SH2D4A: variants seen among roughly 807,000 people sequenced by gnomAD.
SH2D4A encodes SH2 domain containing 4A, also known as SH2 domain-containing protein 4A.
A neutral mutation model predicts 64.7 loss-of-function variants in SH2D4A; 70 were observed. The ratio of observed to expected loss-of-function variants is 1.08; its 90% confidence interval spans 0.89 to 1.32. The LOEUF (loss-of-function observed/expected upper bound fraction) is 1.32, where lower values mean the gene tolerates loss of function less well. SH2D4A is among the 40% of genes most tolerant of loss of function. SH2D4A has a pLI of 0.00. For synonymous variants in SH2D4A, 268 were observed against 200.7 expected, an observed-to-expected ratio of 1.34 and a Z score of -2.83; for missense variants, 706 against 540.1, an observed-to-expected ratio of 1.31 and a Z score of -3.04.
At chr8:19,362,143 C>T (rs761683667) in intron 6 of SH2D4A, among the ~76,000 whole-genome samples, 1 of 152,154 alleles carries the variant, frequency 6.6e-6, no homozygotes, top group Non-Finnish European at 1.5e-5. Flanking sequence ...TGTTGAGATC[C>T]TACATTGATC....
intron 5 of SH2D4A, among the ~76,000 whole-genome samples, chr8:19,359,377 G>A (rs2052843500): frequency 6.6e-6 from 1 of 152,156 alleles, no homozygotes; most frequent in Admixed American, 6.5e-5. Flanking sequence ...GTAGAATCAT[G>A]TCATGTTCCA....
intron 6 of SH2D4A, 43 bp from the exon 7 acceptor site, chr8:19,364,029 T>G: frequency 6.3e-7 from 1 of 1,596,984 alleles, no homozygotes; most frequent in Non-Finnish European, 8.6e-7. Flanking sequence ...TCACCTGCTC[T>G]GTGGGCTGAT....
chr8:19,373,683 T>A (rs2053149287), intron 8 of SH2D4A, 23 bp downstream of exon 8: 1 of 1,610,868 alleles, frequency 6.2e-7, no homozygotes, highest in African/African-American at 1.3e-5. Context: ...ATTTCCTCAA[T>A]GGTGTTTCGT....
intron 2 of SH2D4A, among the ~76,000 whole-genome samples, chr8:19,327,884 C>T (rs990939154): frequency 2.0e-5 from 3 of 152,174 alleles, no homozygotes; most frequent in South Asian, 2.1e-4. Context: ...GCCCCACTGG[C>T]GTCCCCAGAA....
chr8:19,355,183 C>T (rs780939110), intron 4 of SH2D4A, among the ~76,000 whole-genome samples: 172 of 152,064 alleles, frequency 1.1e-3, no homozygotes, highest in Non-Finnish European at 2.1e-3. Context: ...TTACCTGCCT[C>T]CTAATTTTCA....
At chr8:19,358,285 A>G (rs1274442917) in intron 5 of SH2D4A, among the ~76,000 whole-genome samples, 2 of 152,236 alleles carry the variant, frequency 1.3e-5, no homozygotes, top group Non-Finnish European at 2.9e-5. Flanking sequence ...TTAGAGACAC[A>G]TTTTATGAAA....
At chr8:19,357,406 C>A in intron 5 of SH2D4A, 123 bp downstream of exon 5, 1 of 753,866 alleles carries the variant, frequency 1.3e-6, no homozygotes, top group East Asian at 2.6e-5. Flanking sequence ...GAAATCTGTC[C>A]TAAAAGCTGC....
intron 7 of SH2D4A, 103 bp downstream of exon 7, chr8:19,364,385 GGCCAACTGGCA>G: frequency 1.6e-6 from 2 of 1,282,000 alleles, no homozygotes; most frequent in Non-Finnish European, 2.2e-6. Context: ...GGGTGTGGAG[GGCCAACTGGCA>G]GCCTGTGTAA....
chr8:19,350,546 G>C (rs995856772), intron 4 of SH2D4A, among the ~76,000 whole-genome samples: 4 of 152,164 alleles, frequency 2.6e-5, no homozygotes, highest in African/African-American at 9.7e-5. Flanking sequence ...GCAGTGGTGA[G>C]ATCCTGGCTC....
Position 19,361,212 on chromosome 8 carries a change from T to G in SH2D4A, c.604T>G (p.Ser202Ala). The G allele has an allele frequency of 6.7e-7, 1 of 1,501,678 alleles. No homozygotes were observed. The highest frequency in any genetic ancestry group is 9.2e-7 in the Non-Finnish European group (1 of 1,089,820). 93.0% of individuals were successfully genotyped at this position (1,501,678 alleles called of 1,614,324 possible). A position where few individuals can be genotyped will look rare whatever the true frequency, so the allele number is the denominator to read the frequency against. ...KAYAFHQKKE[S>A]MKKKQDEEIN... ...TTTTGTTTTTAAACAGAAGAAAGAA[T>G]CTATGAAGAAAAAACAAGATGAAGA... Residue 202 changes from serine to alanine, a missense_variant, in exon 6 of 10, where the codon TCT becomes GCT. Transcript: ENST00000265807.
At chr8:19,393,589 A>G (rs1411466467) in intron 9 of SH2D4A, 48 bp downstream of exon 9, 1 of 1,572,350 alleles carries the variant, frequency 6.4e-7, no homozygotes, top group Non-Finnish European at 8.7e-7. Context: ...ACTGTCCTGT[A>G]GCAGCTCTAA....
intron 4 of SH2D4A, among the ~76,000 whole-genome samples, chr8:19,340,971 C>G (rs777088149): frequency 1.3e-5 from 2 of 152,148 alleles, no homozygotes; most frequent in African/African-American, 2.4e-5. Flanking sequence ...CACAATAATC[C>G]TGTGAAACAA....
At chr8:19,314,205 G>C (rs1025809397) in intron 1 of SH2D4A, 34 of 684,928 alleles carry the variant, frequency 5.0e-5, no homozygotes, top group Non-Finnish European at 6.1e-5. Context: ...CGCGGCGCGT[G>C]CTTCCACCCG....
chr8:19,388,098 A>C (rs535972707), intron 8 of SH2D4A, among the ~76,000 whole-genome samples: 1 of 152,310 alleles, frequency 6.6e-6, no homozygotes, highest in African/African-American at 2.4e-5. Flanking sequence ...TGAGAAATGA[A>C]CACCCCTTTG....
intron 7 of SH2D4A, among the ~76,000 whole-genome samples, chr8:19,371,953 TTTG>T (rs749117097): frequency 7.9e-5 from 12 of 152,146 alleles, no homozygotes; most frequent in Non-Finnish European, 1.5e-4. Flanking sequence ...TTTCTTGAAG[TTTG>T]TTGAGCTTTC....
intron 3 of SH2D4A, among the ~76,000 whole-genome samples, chr8:19,333,993 G>C (rs1022248555): frequency 6.6e-6 from 1 of 152,146 alleles, no homozygotes; most frequent in African/African-American, 2.4e-5. Flanking sequence ...TTCTCTGGAC[G>C]GTGAGGTTTT....
intron 4 of SH2D4A, among the ~76,000 whole-genome samples, chr8:19,346,897 CAGG>C (rs1426519564): frequency 1.3e-5 from 2 of 152,176 alleles, no homozygotes; most frequent in Admixed American, 6.5e-5. Flanking sequence ...TTGTTCTTAT[CAGG>C]AGGCCAGGCT....
At position 19,361,245 on chromosome 8, in the gene SH2D4A, C is replaced by A; in HGVS notation, c.637C>A (p.Gln213Lys). Reference protein sequence around the residue: ...MKKKQDEEINQIEEERTKQIC... With the variant: ...MKKKQDEEINKIEEERTKQIC... ...GAAAAAACAAGATGAAGAAATAAAT[C>A]AAATAGAAGAAGAGAGAACGAAGCA... The change falls in exon 6 of 10, where the codon CAA becomes AAA. Residue 213 changes from glutamine (Q) to lysine (K), a missense_variant. Physicochemically the swap from Gln to Lys is moderately conservative, Grantham distance 53. Transcript: ENST00000265807. 1 of 1,600,038 alleles carries A rather than the reference C, an allele frequency of 6.2e-7. No homozygotes were observed. Among genetic ancestry groups the A allele is most frequent in the South Asian group, 1.1e-5 (1 of 89,248 alleles).
rs1413461244 is a variant in SH2D4A at position 19,334,695 on chromosome 8, C to T, written c.351C>T (p.His117=). 1.5e-5 allele frequency: 24 copies of T among 1,597,772 alleles called. No individual in the cohort carries two copies. The highest frequency in any genetic ancestry group is 2.0e-5 in the Non-Finnish European group (24 of 1,175,208). ...TTTTGCCTCTCTTCAGAAAAACTCACTCTGAAGAATTCACCAATAGCTTGA... is the reference window on the plus strand; with the variant it reads ...TTTTGCCTCTCTTCAGAAAAACTCATTCTGAAGAATTCACCAATAGCTTGA... ...EQEAEEPRKT[H]SEEFTNSLKT... is the part of the protein sequence containing the mutation. Residue 117 remains histidine, a synonymous_variant, in exon 4 of 10, where the codon CAC becomes CAT. Transcript: ENST00000265807.
Sources: gnomAD v4.1 joint callset for allele counts (sites outside exome capture counted in the v4.1 genomes callset) on GRCh38, gnomAD v4.1.1 for gene constraint, MANE v1.5 for transcripts, NCBI Gene and HGNC (gene_info 2026-07-23, HGNC 2026-07-21) for gene names.